Variants in KLHL26 observed in about 807,000 individuals in gnomAD.
The protein encoded by KLHL26 is kelch like family member 26.
KLHL26 carries 4 observed loss-of-function variants against 7.1 expected under a neutral mutation model. That is an observed-to-expected ratio of 0.56 (90% CI 0.28 to 1.28). The LOEUF (loss-of-function observed/expected upper bound fraction) is 1.28, where lower values mean the gene tolerates loss of function less well. Ranked by LOEUF, KLHL26 falls within the 50% of genes most tolerant of loss-of-function variation. KLHL26 has a pLI of 0.11. For synonymous variants in KLHL26, 465 were observed against 414.1 expected (o/e 1.12, Z -1.49); for missense variants, 896 against 924.6 (o/e 0.97, Z 0.40).
chr19:18,654,592 T>C (rs1316960896), intron 1 of KLHL26, among the ~76,000 whole-genome samples: 3 of 149,790 alleles, frequency 2.0e-5, no homozygotes, highest in Admixed American at 6.7e-5. Flanking sequence ...TATCCACCCA[T>C]CCATTCATCC....
chr19:18,639,636 C>T (rs1251655370), intron 1 of KLHL26, among the ~76,000 whole-genome samples: 2 of 151,828 alleles, frequency 1.3e-5, no homozygotes, highest in Admixed American at 6.6e-5. Context: ...TCTTGAACTG[C>T]TGACCTCAAG....
rs1160485226 is a variant in KLHL26, at chr19:18,667,880, C to T, written c.483C>T (p.Ser161=). ...AGGAGTTCCTGAAGGCGGCCATGAG[C>T]GTGGAGACCTGCCTCAACATCGGCC... The part of the protein sequence containing the change: ...LCEEFLKAAM[S]VETCLNIGQM... The change falls in exon 3 of 3, where the codon AGC becomes AGT. Residue 161 remains serine, a synonymous_variant. Transcript: ENST00000300976. The T allele has an allele frequency of 5.6e-6, 9 of 1,612,554 alleles. No individual in the cohort carries two copies. The highest frequency in any genetic ancestry group is 2.7e-5 in the African/African-American group (2 of 74,936).
At chr19:18,664,533 T>C (rs955056210) in intron 2 of KLHL26, 90 bp downstream of exon 2, 1 of 1,052,918 alleles carries the variant, frequency 9.5e-7, no homozygotes, top group Non-Finnish European at 1.3e-6. Context: ...AGGGGGCCTG[T>C]CTCAGCGCTA....
At position 18,640,389 on chromosome 19, in the gene KLHL26, A is replaced by G. The variant is rs569235121; in HGVS notation, c.83+3252A>G. On this transcript the variant is annotated intron_variant, in intron 1 of 2. Transcript: ENST00000300976. The stretch of plus-strand genomic sequence containing the variant: ...TAGCTGGTAGGTACTACAAGGGCGT[A>G]TGCCACCACACCCAGCTATTTTTTC... Among the ~76,000 whole-genome samples the G allele has an allele frequency of 5.4e-4, 82 of 151,864 alleles. No individual in the cohort carries two copies. In the South Asian group the frequency reaches 0.013, roughly 24 times the overall value.
At chr19:18,665,560 T>C (rs2052439278) in intron 2 of KLHL26, among the ~76,000 whole-genome samples, 1 of 152,212 alleles carries the variant, frequency 6.6e-6, no homozygotes, top group Admixed American at 6.5e-5. Context: ...GGGCTCTGTC[T>C]GAGGCCCAGA....
At chr19:18,641,437 G>T (rs1273912010) in intron 1 of KLHL26, among the ~76,000 whole-genome samples, 1 of 149,830 alleles carries the variant, frequency 6.7e-6, no homozygotes, top group Non-Finnish European at 1.5e-5. Flanking sequence ...TCATGTCTCA[G>T]CCTCCCGAGT....
Position 18,669,067 on chromosome 19 carries a change from T to C in KLHL26, c.1670T>C (p.Leu557Pro), listed in dbSNP as rs1399046711. The change falls in exon 3 of 3, where the codon CTG (leucine) becomes CCG (proline). Residue 557 changes from leucine to proline, a missense_variant. Leu to Pro is a moderately conservative substitution (Grantham distance 98). Transcript: ENST00000300976. ...CAGTCAGAGGCCGGCTGCTGCCTGC[T>C]GGAGAGGAAGATCTACATCGTCGGG... ...AGQSEAGCCL[L>P]ERKIYIVGGY... The C allele has an allele frequency of 6.2e-7, 1 of 1,612,838 alleles. No homozygotes were observed. Among genetic ancestry groups the C allele is most frequent in the Non-Finnish European group, 8.5e-7 (1 of 1,179,926 alleles).
rs146555973 is a variant in KLHL26 at position 18,662,625 on chromosome 19, C to T, written c.84-1636C>T. Among the ~76,000 whole-genome samples the T allele has an allele frequency of 3.4e-3, 515 of 152,236 alleles. 3 individuals are homozygous for T. The highest frequency in any genetic ancestry group is 0.012 in the African/African-American group (484 of 41,542). The stretch of plus-strand genomic sequence containing the variant: ...AGCCTGGACACCCGTCGCAGGGTGT[C>T]GGTGAGAGGGCATGCCATTCGTGGG... On this transcript the variant is annotated intron_variant, in intron 1 of 2. Transcript: ENST00000300976.
chr19:18,668,696 C>T lies in KLHL26; in HGVS notation c.1299C>T (p.Tyr433=), dbSNP rs1711912009. Residue 433 remains tyrosine (Y), a synonymous_variant, in exon 3 of 3, where the codon TAC becomes TAT. Transcript: ENST00000300976. ...RAGSLASVER[Y]CPRRNEWGYA... is the part of the protein sequence containing the mutation. ...GCAGCCTGGCCTCCGTGGAGCGGTA[C>T]TGCCCCCGGCGCAATGAGTGGGGCT... 1.9e-6 allele frequency: 3 copies of T among 1,572,368 alleles called. No homozygotes were observed. The highest frequency in any genetic ancestry group is 2.6e-6 in the Non-Finnish European group (3 of 1,164,050).
intron 1 of KLHL26, among the ~76,000 whole-genome samples, chr19:18,663,039 C>T (rs941822550): frequency 4.6e-5 from 7 of 152,186 alleles, no homozygotes; most frequent in Admixed American, 6.5e-5. Flanking sequence ...CCCCCAGCAC[C>T]GCAGCATTGC....
chr19:18,668,288 G>A lies in KLHL26; in HGVS notation c.891G>A (p.Met297Ile). ...TGCTGCCCTTCCGGCAGCACGAGAT[G>A]CAGTCTCCGCGCACCGCCGTGCGCT... Reference protein sequence around the residue: ...YQVLPFRQHEMQSPRTAVRSD... With the variant: ...YQVLPFRQHEIQSPRTAVRSD... Residue 297 changes from methionine to isoleucine, a missense_variant, in exon 3 of 3, where the codon ATG (methionine) becomes ATA (isoleucine). By Grantham distance (10) the Met-to-Ile change is conservative. Transcript: ENST00000300976. 1 of 1,611,850 alleles carries A rather than the reference G, an allele frequency of 6.2e-7. No individual in the cohort carries two copies. The highest frequency in any genetic ancestry group is 8.5e-7 in the Non-Finnish European group (1 of 1,179,848).
chr19:18,644,817 A>G lies in KLHL26; in HGVS notation c.83+7680A>G, dbSNP rs1042659053. 3.3e-5 allele frequency among the ~76,000 whole-genome samples: 5 copies of G among 152,088 alleles called. No individual in the cohort carries two copies. The South Asian group carries it at 8.3e-4, about 25-fold the overall frequency. On this transcript the variant is annotated intron_variant, in intron 1 of 2. Transcript: ENST00000300976. Reference sequence around the variant, plus strand: ...CCGCATCTGCCTTTTTGTCCCACGAAGGTTTTGTCTTTTGGCCAGGGGCGG... The same window carrying G: ...CCGCATCTGCCTTTTTGTCCCACGAGGGTTTTGTCTTTTGGCCAGGGGCGG...
chr19:18,667,871 G>A lies in KLHL26; in HGVS notation c.474G>A (p.Ala158=), dbSNP rs749343925. Residue 158 remains alanine, a synonymous_variant, in exon 3 of 3, where the codon GCG becomes GCA. Coordinates refer to ENST00000300976, the MANE Select transcript of KLHL26 (RefSeq NM_018316.3). ...VVELCEEFLK[A]AMSVETCLNI... The stretch of plus-strand genomic sequence containing the variant: ...AGCTGTGCGAGGAGTTCCTGAAGGC[G>A]GCCATGAGCGTGGAGACCTGCCTCA... The A allele has an allele frequency of 4.8e-5, 77 of 1,612,704 alleles. No individual in the cohort carries two copies. In the South Asian group the frequency reaches 7.0e-4, roughly 15 times the overall value.
At chr19:18,639,403 GTTTTTTTTTTTT>G (rs34034254) in intron 1 of KLHL26, among the ~76,000 whole-genome samples, 1 of 71,188 alleles carries the variant, frequency 1.4e-5, no homozygotes, top group Non-Finnish European at 2.6e-5. Context: ...TTATCATTAA[GTTTTTTTTTTTT>G]TTTTTTTTTT....
In KLHL26 at chr19:18,648,357, A is replaced by C. The variant is rs549566513; in HGVS notation, c.83+11220A>C. Among the ~76,000 whole-genome samples, 3 of 152,264 alleles carry C rather than the reference A, an allele frequency of 2.0e-5. No homozygotes were observed. Among genetic ancestry groups the C allele is most frequent in the African/African-American group, 7.2e-5 (3 of 41,548 alleles). ...GACAAAGTGAGACTCTGTCTCAAAA[A>C]AGAAAGGATCCCTCTGGCAAGAGAC... On this transcript the variant is annotated intron_variant, in intron 1 of 2. Coordinates refer to ENST00000300976, the MANE Select transcript of KLHL26 (RefSeq NM_018316.3). This position sits in a 1 kb window ranked among gnomAD's most constrained non-coding sequence, Gnocchi z 4.9.
intron 2 of KLHL26, chr19:18,667,430 T>C (rs1009798167): frequency 3.3e-6 from 2 of 608,680 alleles, no homozygotes; most frequent in South Asian, 2.0e-5. Flanking sequence ...GGTCTCGATC[T>C]CCTGATCTCA....
At chr19:18,657,312 G>A (rs1298287656) in intron 1 of KLHL26, among the ~76,000 whole-genome samples, 1 of 149,796 alleles carries the variant, frequency 6.7e-6, no homozygotes, top group Non-Finnish European at 1.5e-5. Context: ...TGGAGTCTCT[G>A]TCTCCCTGTC....
At position 18,667,778 on chromosome 19, in the gene KLHL26, A is replaced by C. The variant is rs766095709; in HGVS notation, c.381A>C (p.Thr127=). The C allele has an allele frequency of 1.2e-6, 2 of 1,613,412 alleles. No homozygotes were observed. The highest frequency in any genetic ancestry group is 3.3e-5 in the Admixed American group (2 of 60,024). The stretch of plus-strand genomic sequence containing the variant: ...ACTTCGCCTACAGCGCCGAGGTGAC[A>C]CTGGACCTGGACTGCGTGCAGGACG... The part of the protein sequence containing the change: ...IIDFAYSAEV[T]LDLDCVQDVL... The change falls in exon 3 of 3, where the codon ACA becomes ACC. Residue 127 remains threonine (T), a synonymous_variant. Coordinates refer to ENST00000300976, the MANE Select transcript of KLHL26 (RefSeq NM_018316.3).
intron 1 of KLHL26, among the ~76,000 whole-genome samples, chr19:18,652,994 C>T (rs1022185649): frequency 1.3e-5 from 2 of 152,140 alleles, no homozygotes; most frequent in African/African-American, 4.8e-5. Flanking sequence ...CTAGGTATGG[C>T]CAGCAGAGAC....
Sources: gnomAD v4.1 joint callset for allele counts (sites outside exome capture counted in the v4.1 genomes callset) on GRCh38, gnomAD v4.1.1 for gene constraint, Gnocchi (gnomAD v3.1) non-coding constraint, MANE v1.5 for transcripts, NCBI Gene and HGNC (gene_info 2026-07-23, HGNC 2026-07-21) for gene names.